The following IDI1 variants were observed in gnomAD, a reference collection of about 807,000 sequenced individuals.
IDI1 encodes the protein isopentenyl-diphosphate Delta-isomerase 1.
IDI1 carries 23 observed loss-of-function variants against 32.9 expected under a neutral mutation model. That is an observed-to-expected ratio of 0.70 (90% CI 0.50 to 0.99). The LOEUF is 0.99. Ranked by LOEUF, IDI1 falls within the 50% of genes least tolerant of loss-of-function variation. The pLI, the probability that IDI1 is intolerant of heterozygous loss-of-function variation, is 0.00. For synonymous variants in IDI1, 133 were observed against 128.2 expected (o/e 1.04, Z -0.25); for missense variants, 326 against 351.9 (o/e 0.93, Z 0.59).
intron 1 of IDI1, chr10:1,048,294 A>G: frequency 7.7e-7 from 1 of 1,304,400 alleles, no homozygotes. Context: ...ACATCATCCA[A>G]CCCAAGAAAA....
In IDI1 at chr10:1,049,112, G is replaced by A. The variant is rs1463902269; in HGVS notation, c.-109C>T. 1 of 1,402,950 alleles carries A rather than the reference G, an allele frequency of 7.1e-7. No individual in the cohort carries two copies. Among genetic ancestry groups the A allele is most frequent in the African/African-American group, 1.5e-5 (1 of 65,624 alleles). 86.9% of individuals were successfully genotyped at this position (1,402,950 alleles called of 1,614,324 possible). A position where few individuals can be genotyped will look rare whatever the true frequency, so the allele number is the denominator to read the frequency against. The stretch of plus-strand genomic sequence containing the variant: ...ACAACGGCAGACGCGCGAAGCACCG[G>A]GAACCTGAGCCGTGACCGCGGGCTC... On this transcript the variant is annotated 5_prime_UTR_variant, in exon 1 of 5. Transcript: ENST00000381344.
upstream of IDI1, among the ~76,000 whole-genome samples, chr10:1,051,983 C>T (rs1056409751): frequency 6.6e-6 from 1 of 152,168 alleles, no homozygotes; most frequent in Non-Finnish European, 1.5e-5. Context: ...AGCAATTCTC[C>T]TACCTCAGCC....
Position 1,039,715 on chromosome 10 carries a change from C to T in IDI1, c.*1472G>A, listed in dbSNP as rs1336097195. On this transcript the variant is annotated 3_prime_UTR_variant, in exon 5 of 5. Transcript: ENST00000381344. ...ACTTAACAAGGTGCTGGGTAGCAGT[C>T]TAAGGGTCCCATGTCCAATTCAGTA... is the stretch of plus-strand genomic sequence containing the variant. The T allele has an allele frequency of 6.6e-6, 1 of 152,164 alleles. No homozygotes were observed. Among genetic ancestry groups the T allele is most frequent in the Admixed American group, 6.5e-5 (1 of 15,282 alleles). The allele number at this position is 152,164 out of a possible 1,614,324, so 9.4% of individuals were successfully genotyped here.
rs1832507446 is a variant in IDI1 at position 1,040,057 on chromosome 10, T to C, written c.*1130A>G. 1.3e-5 allele frequency: 2 copies of C among 152,254 alleles called. No individual in the cohort carries two copies. Among genetic ancestry groups the C allele is most frequent in the South Asian group, 4.1e-4 (2 of 4,838 alleles). The allele number at this position is 152,254 out of a possible 1,614,324, so 9.4% of individuals were successfully genotyped here. ...GCAAGAAATAAATTTTTATTTTTCT[T>C]CATTATCATACAGCATTTAAGAATA... On this transcript the variant is annotated 3_prime_UTR_variant, in exon 5 of 5. Transcript: ENST00000381344.
At chr10:1,043,520 C>T in intron 2 of IDI1, 127 bp from the exon 3 acceptor site, 1 of 723,366 alleles carries the variant, frequency 1.4e-6, no homozygotes, top group Non-Finnish European at 2.6e-6. Flanking sequence ...GGTTTATCCA[C>T]ATGCATAGTC....
At chr10:1,054,591 T>TGCAGGAGG in the IDI1 span, among the ~76,000 whole-genome samples, 1 of 152,362 alleles carries the variant, frequency 6.6e-6, no homozygotes, top group African/African-American at 2.4e-5. Flanking sequence ...CCACAGCTTC[T>TGCAGGAGG]GCAGGAGGGA....
chr10:1,043,624 A>T, intron 2 of IDI1: 1 of 664,298 alleles, frequency 1.5e-6, no homozygotes, highest in South Asian at 1.5e-5. Context: ...CCTTTCCGGC[A>T]GTCAAGTTCC....
chr10:1,041,757 TA>T (rs994999392), intron 4 of IDI1, among the ~76,000 whole-genome samples: 2 of 151,478 alleles, frequency 1.3e-5, no homozygotes, highest in African/African-American at 4.8e-5. Flanking sequence ...TTTTTAATGT[TA>T]AAAAAAGGGG....
chr10:1,049,684 C>T (rs1332321221), upstream of IDI1: 1 of 151,298 alleles, frequency 6.6e-6, no homozygotes, highest in East Asian at 1.9e-4. Flanking sequence ...GAGACAGTTT[C>T]ATTCTTGTTG....
upstream of IDI1, among the ~76,000 whole-genome samples, chr10:1,053,077 C>T (rs1273554649): frequency 2.0e-5 from 3 of 152,090 alleles, no homozygotes; most frequent in East Asian, 1.9e-4. Flanking sequence ...TCTTGGCTTA[C>T]AGCAACCTCC....
At chr10:1,055,290 A>T in the IDI1 span, among the ~76,000 whole-genome samples, 1 of 152,250 alleles carries the variant, frequency 6.6e-6, no homozygotes, top group African/African-American at 2.4e-5. Flanking sequence ...GTTACAAAAG[A>T]TGTAAAGCGA....
At chr10:1,048,442 C>A in intron 1 of IDI1, 1 of 1,279,392 alleles carries the variant, frequency 7.8e-7, no homozygotes, top group Admixed American at 2.6e-5. Flanking sequence ...GGACTCGGCA[C>A]GGGGAGGCCG....
chr10:1,048,924 T>G lies in IDI1; in HGVS notation c.80A>C (p.Asp27Ala). The change falls in exon 1 of 5, where the codon GAC becomes GCC. Residue 27 changes from aspartate to alanine, a missense_variant. Around this residue, in one of 2 missense-constraint regions of IDI1, gnomAD observed 121 missense variants for 78.4 expected, o/e 1.54. Coordinates refer to ENST00000381344, the MANE Select transcript of IDI1 (RefSeq NM_004508.4). ...GRGQWAVRAADCAQSGRHPGP... is the reference protein window; with the variant it reads ...GRGQWAVRAAACAQSGRHPGP... ...CGGATGGCGCCCGCTTTGAGCACAGTCTGCGGCGCGCACCGCCCACTGGCC... is the reference window on the plus strand; with the variant it reads ...CGGATGGCGCCCGCTTTGAGCACAGGCTGCGGCGCGCACCGCCCACTGGCC... 1 of 1,598,226 alleles carries G rather than the reference T, an allele frequency of 6.3e-7. No individual in the cohort carries two copies. Among genetic ancestry groups the G allele is most frequent in the Admixed American group, 1.7e-5 (1 of 59,296 alleles).
chr10:1,044,662 C>T (rs969237583), intron 1 of IDI1, among the ~76,000 whole-genome samples: 10 of 152,164 alleles, frequency 6.6e-5, no homozygotes, highest in Non-Finnish European at 1.3e-4. Context: ...AGGCACAACT[C>T]GTGCCAGACA....
At chr10:1,042,996 T>C (rs1832663736) in intron 3 of IDI1, among the ~76,000 whole-genome samples, 1 of 152,250 alleles carries the variant, frequency 6.6e-6, no homozygotes, top group Admixed American at 6.5e-5. Context: ...AATTATGTTG[T>C]GAAACAGACT....
At chr10:1,050,855 G>T (rs779054035), upstream of IDI1, among the ~76,000 whole-genome samples, 1 of 152,180 alleles carries the variant, frequency 6.6e-6, no homozygotes, top group Non-Finnish European at 1.5e-5. Flanking sequence ...CCCCTGGCTG[G>T]GAGTCTTTTT....
upstream of IDI1, among the ~76,000 whole-genome samples, chr10:1,051,106 G>C (rs929649940): frequency 6.6e-6 from 1 of 152,150 alleles, no homozygotes; most frequent in South Asian, 2.1e-4. Flanking sequence ...CTATTTTCCT[G>C]TGCGTGATGT....
chr10:1,052,888 G>A (rs1833050618), upstream of IDI1, among the ~76,000 whole-genome samples: 1 of 152,186 alleles, frequency 6.6e-6, no homozygotes, highest in East Asian at 1.9e-4. Context: ...GTCCTGGGCG[G>A]CATCTTTTCC....
upstream of IDI1, among the ~76,000 whole-genome samples, chr10:1,053,204 G>GCCC (rs1833059215): frequency 6.6e-6 from 1 of 152,206 alleles, no homozygotes; most frequent in African/African-American, 2.4e-5. Flanking sequence ...GTTTCACCAT[G>GCCC]TTGGCCAGGC....
Sources: gnomAD v4.1 joint callset for allele counts (sites outside exome capture counted in the v4.1 genomes callset) on GRCh38, gnomAD v4.1.1 for gene constraint, gnomAD v4.1.1 regional missense constraint, MANE v1.5 for transcripts, NCBI Gene and HGNC (gene_info 2026-07-23, HGNC 2026-07-21) for gene names.